MAOB: variants seen among roughly 807,000 people sequenced by gnomAD.
MAOB encodes amine oxidase [flavin-containing] B.
Under a neutral mutation model 41.9 loss-of-function variants are expected in MAOB, and 15 were observed. The observed-to-expected ratio is 0.36, with a 90% CI of 0.24 to 0.55. MAOB has a LOEUF of 0.55. Ranked by LOEUF, MAOB falls within the 20% of genes least tolerant of loss-of-function variation. The pLI, the probability that MAOB is intolerant of heterozygous loss-of-function variation, is 0.86. For synonymous variants in MAOB, 167 were observed against 144.2 expected (o/e 1.16, Z -1.13); for missense variants, 345 against 398.7 (o/e 0.87, Z 1.15).
chrX:43,782,725 C>G, intron 8 of MAOB, among the ~76,000 whole-genome samples: 1 of 111,665 alleles, frequency 9.0e-6, no homozygotes, highest in Middle Eastern at 4.6e-3. Context: ...TGATGAACAT[C>G]GATGCAAAAA....
chrX:43,839,109 A>G, intron 2 of MAOB, 104 bp from the exon 3 acceptor site: 1 of 588,646 alleles, frequency 1.7e-6, no homozygotes, highest in Non-Finnish European at 2.5e-6. Context: ...AGTTATAGAT[A>G]CAGCTTAAGG....
At chrX:43,776,891 G>A (rs1385189166) in intron 11 of MAOB, among the ~76,000 whole-genome samples, 4 of 108,605 alleles carry the variant, frequency 3.7e-5, no homozygotes, top group Non-Finnish European at 7.6e-5. Flanking sequence ...ATAGTTTGCT[G>A]AGAATGACGG....
At chrX:43,838,073 C>CA (rs1161567020) in intron 3 of MAOB, 64 of 282,539 alleles carry the variant, frequency 2.3e-4, no homozygotes, top group Admixed American at 2.2e-3. Context: ...GTCCAACATT[C>CA]AGTTCTAATC....
At chrX:43,857,110 TATATATAGAG>T (rs1404890400) in intron 1 of MAOB, among the ~76,000 whole-genome samples, 44 of 19,796 alleles carry the variant, frequency 2.2e-3, no homozygotes, top group African/African-American at 7.8e-3. Context: ...TATATATATA[TATATATAGAG>T]AGAGAGAGAG....
intron 12 of MAOB, 103 bp from the exon 13 acceptor site, chrX:43,769,521 A>G: frequency 9.6e-7 from 1 of 1,039,605 alleles, no homozygotes; most frequent in East Asian, 3.7e-5. Context: ...ATTCTAAACA[A>G]TCAAGAAGGA....
chrX:43,768,691 G>A lies in MAOB; in HGVS notation c.1373C>T (p.Pro458Leu). 8.3e-7 allele frequency: 1 copy of A among 1,209,309 alleles called. No homozygotes were observed. The highest frequency in any genetic ancestry group is 1.1e-6 in the Non-Finnish European group (1 of 893,564). The change falls in exon 14 of 15, where the codon CCA becomes CTA. Residue 458 changes from proline (P) to leucine (L), a missense_variant. Transcript: ENST00000378069. ...TTCTGACTGCCAGATTTCATCCTCT[G>A]GAATCTTCCCCATGGCATGCAGGAT... is the stretch of plus-strand genomic sequence containing the variant. ...REILHAMGKI[P>L]EDEIWQSEPE...
chrX:43,839,034 A>T (rs1487619086), intron 2 of MAOB, 29 bp from the exon 3 acceptor site: 1 of 1,077,630 alleles, frequency 9.3e-7, no homozygotes, highest in Non-Finnish European at 1.2e-6. Context: ...AAATTAAAAA[A>T]AATTTGTAAA....
In MAOB at chrX:43,834,352, T is replaced by C. The variant is rs1412441738; in HGVS notation, c.279+4516A>G. Among the ~76,000 whole-genome samples the C allele has an allele frequency of 6.5e-4, 73 of 111,821 alleles. 1 individual carries two copies. Among genetic ancestry groups the C allele is most frequent in the Non-Finnish European group, 1.3e-4 (7 of 53,157 alleles). On this transcript the variant is annotated intron_variant, in intron 3 of 14. Coordinates refer to ENST00000378069, the MANE Select transcript of MAOB (RefSeq NM_000898.5). Reference sequence around the variant, plus strand: ...GGACAGGGGTGTGAAGAAGGGAATATTGAGGACCTAGAGAAGACTGGATAC... The same window carrying C: ...GGACAGGGGTGTGAAGAAGGGAATACTGAGGACCTAGAGAAGACTGGATAC...
intron 1 of MAOB, among the ~76,000 whole-genome samples, chrX:43,858,357 C>G (rs930245161): frequency 9.0e-6 from 1 of 110,963 alleles, no homozygotes; most frequent in Admixed American, 9.6e-5. Flanking sequence ...ACCCATAATA[C>G]CCTGCAATAC....
At chrX:43,807,783 C>A (rs1274564408) in intron 3 of MAOB, among the ~76,000 whole-genome samples, 1 of 112,136 alleles carries the variant, frequency 8.9e-6, no homozygotes, top group Non-Finnish European at 1.9e-5. Context: ...TCTTTGTATG[C>A]CTAGGACGTG....
intron 5 of MAOB, 31 bp downstream of exon 5, chrX:43,802,141 G>C (rs781191921): frequency 8.9e-7 from 1 of 1,129,161 alleles, no homozygotes; most frequent in Non-Finnish European, 1.2e-6. Flanking sequence ...GGTGGTCACA[G>C]TAAATGCCTG....
chrX:43,804,521 T>C (rs1371752966), intron 3 of MAOB, among the ~76,000 whole-genome samples: 1 of 110,684 alleles, frequency 9.0e-6, no homozygotes, highest in Non-Finnish European at 1.9e-5. Context: ...TAGATATAGA[T>C]AGATGATATT....
At chrX:43,780,240 G>A in intron 10 of MAOB, 102 bp downstream of exon 10, 1 of 667,773 alleles carries the variant, frequency 1.5e-6, no homozygotes, top group South Asian at 2.8e-5. Flanking sequence ...TGAAAGGCAG[G>A]CAAGTAGGTA....
At chrX:43,859,170 G>A (rs1318324472) in intron 1 of MAOB, among the ~76,000 whole-genome samples, 1 of 111,192 alleles carries the variant, frequency 9.0e-6, no homozygotes, top group Non-Finnish European at 1.9e-5. Flanking sequence ...GGTGCCTGTG[G>A]CTGAGATCTA....
intron 3 of MAOB, among the ~76,000 whole-genome samples, chrX:43,814,568 T>C (rs920429438): frequency 8.9e-6 from 1 of 112,261 alleles, no homozygotes; most frequent in African/African-American, 3.2e-5. Context: ...TTGATAGTAC[T>C]GTATTCTCTA....
Position 43,802,212 on chromosome X carries a change from TG to T in MAOB, c.435del (p.Asn145LysfsTer2). The T allele has an allele frequency of 1.7e-6, 2 of 1,208,887 alleles. No homozygotes were observed. The highest frequency in any genetic ancestry group is 2.2e-6 in the Non-Finnish European group (2 of 893,712). ...WKAPLAEEWD[N>X]MTMKELLDKL... Reference sequence around the variant, plus strand: ...TTGTCCAGTAGCTCCTTCATTGTCATGTTGTCCCACTCTTCTGCAAGGGGAG... The same window carrying T: ...TTGTCCAGTAGCTCCTTCATTGTCATTTGTCCCACTCTTCTGCAAGGGGAG... On this transcript the variant is annotated frameshift_variant, in exon 5 of 15. Coordinates refer to ENST00000378069, the MANE Select transcript of MAOB (RefSeq NM_000898.5). LOFTEE classifies it high-confidence loss of function.
intron 1 of MAOB, among the ~76,000 whole-genome samples, chrX:43,879,198 C>A (rs181742782): frequency 9.0e-6 from 1 of 111,674 alleles, no homozygotes; most frequent in Non-Finnish European, 1.9e-5. Flanking sequence ...ATTTATACAC[C>A]ATACACATTT....
chrX:43,851,272 T>C (rs1281010472), intron 1 of MAOB, among the ~76,000 whole-genome samples: 1 of 112,119 alleles, frequency 8.9e-6, no homozygotes, highest in East Asian at 2.8e-4. Context: ...TGCATAAACA[T>C]ACTCTCAAGA....
chrX:43,831,733 T>G (rs996968244), intron 3 of MAOB, among the ~76,000 whole-genome samples: 2 of 111,892 alleles, frequency 1.8e-5, no homozygotes, highest in Admixed American at 1.9e-4. Context: ...AAGGAAGTGC[T>G]AAACTTCAAA....
Sources: gnomAD v4.1 joint callset for allele counts (sites outside exome capture counted in the v4.1 genomes callset) on GRCh38, gnomAD v4.1.1 for gene constraint, MANE v1.5 for transcripts, NCBI Gene and HGNC (gene_info 2026-07-23, HGNC 2026-07-21) for gene names.